Variants in DNAH3 observed in about 807,000 individuals in gnomAD.
The protein encoded by DNAH3 is dynein axonemal heavy chain 3, also known as axonemal beta dynein heavy chain 3.
In DNAH3, 332 loss-of-function variants were observed where a neutral mutation model predicts 432.5. That is an observed-to-expected ratio of 0.77 (90% CI 0.70 to 0.84). DNAH3 has a LOEUF of 0.84. DNAH3 is among the 40% of genes least tolerant of loss of function. The pLI is 0.00. For synonymous variants in DNAH3, 1,956 were observed against 1,900.2 expected (o/e 1.03, Z -0.76); for missense variants, 4,861 against 5,114.0 (o/e 0.95, Z 1.51).
intron 55 of DNAH3, 88 bp downstream of exon 55, chr16:20,954,725 C>T (rs1057022906): frequency 1.2e-5 from 18 of 1,469,264 alleles, no homozygotes; most frequent in East Asian, 9.1e-5. Context: ...CCTATCTGAG[C>T]GCAAGCTTAA....
chr16:20,948,652 C>G lies in DNAH3; in HGVS notation c.11189-15G>C. ...ATTACATTCCCCTGGGGACAACCAA[C>G]AGAAGGAGAGGTTGAGCCCAGGGAA... On this transcript the variant is annotated splice_polypyrimidine_tract_variant and intron_variant, in intron 56 of 61. Coordinates refer to ENST00000261383, the Ensembl canonical transcript of DNAH3. 1 of 1,613,912 alleles carries G rather than the reference C, an allele frequency of 6.2e-7. No homozygotes were observed. Among genetic ancestry groups the G allele is most frequent in the Non-Finnish European group, 8.5e-7 (1 of 1,179,922 alleles).
chr16:21,121,541 G>GGTTGACATCAT (rs1160807801), intron 10 of DNAH3, among the ~76,000 whole-genome samples: 1 of 151,978 alleles, frequency 6.6e-6, no homozygotes, highest in Non-Finnish European at 1.5e-5. Flanking sequence ...GATTCATTGA[G>GGTTGACATCAT]GTTGACATCA....
At chr16:21,019,948 C>G (rs1256184354) in intron 40 of DNAH3, 79 bp from the exon 41 acceptor site, 5 of 1,550,452 alleles carry the variant, frequency 3.2e-6, no homozygotes, top group Non-Finnish European at 4.4e-6. Context: ...TTGGCTTTGC[C>G]TTTGAAGGGT....
At chr16:21,034,056 G>A (rs761262167) in exon 36 of DNAH3, 3 of 1,613,342 alleles carry the variant, frequency 1.9e-6, no homozygotes, top group Non-Finnish European at 1.7e-6. Flanking sequence ...CAATCATATA[G>A]CCATGTCTCA....
At chr16:20,949,224 A>G (rs2084198293) in intron 56 of DNAH3, among the ~76,000 whole-genome samples, 1 of 143,578 alleles carries the variant, frequency 7.0e-6, no homozygotes, top group South Asian at 2.3e-4. Context: ...CTACAAGAGT[A>G]CTGTAAACCT....
exon 48 of DNAH3, chr16:20,985,301 C>A (rs1027368145): frequency 6.2e-7 from 1 of 1,614,036 alleles, no homozygotes; most frequent in Non-Finnish European, 8.5e-7. Flanking sequence ...GTGGCCACAC[C>A]GACCTGCAGT....
intron 51 of DNAH3, among the ~76,000 whole-genome samples, chr16:20,971,579 G>A (rs1489046309): frequency 6.6e-6 from 1 of 152,184 alleles, no homozygotes; most frequent in Admixed American, 6.5e-5. Flanking sequence ...AGAGGGATGG[G>A]ATGGCAGAGA....
intron 51 of DNAH3, among the ~76,000 whole-genome samples, chr16:20,971,621 T>C (rs988445910): frequency 6.6e-6 from 1 of 152,170 alleles, no homozygotes; most frequent in Non-Finnish European, 1.5e-5. Flanking sequence ...CGAAACCTGA[T>C]GTGGCAGTTA....
At chr16:20,964,671 A>G in exon 53 of DNAH3, 1 of 1,614,182 alleles carries the variant, frequency 6.2e-7, no homozygotes, top group Non-Finnish European at 8.5e-7. Context: ...AATTGGATAC[A>G]ATGATGCCAT....
At chr16:21,112,272 T>C (rs2092094210) in intron 12 of DNAH3, among the ~76,000 whole-genome samples, 174 bp from the exon 13 acceptor site, 1 of 152,214 alleles carries the variant, frequency 6.6e-6, no homozygotes, top group Non-Finnish European at 1.5e-5. Flanking sequence ...ATTTTGGCTC[T>C]GATTTTCAGT....
intron 40 of DNAH3, among the ~76,000 whole-genome samples, chr16:21,020,364 A>G (rs2088116440): frequency 9.5e-6 from 1 of 105,434 alleles, no homozygotes; most frequent in Admixed American, 1.1e-4. Flanking sequence ...ATATATATAT[A>G]TATAAAATCA....
At chr16:20,997,147 A>T in intron 44 of DNAH3, 136 bp downstream of exon 44, 2 of 742,862 alleles carry the variant, frequency 2.7e-6, no homozygotes, top group Non-Finnish European at 4.4e-6. Context: ...CCTGTAGCCT[A>T]CACATGCTTC....
At chr16:21,144,351 G>A (rs865824537) in intron 3 of DNAH3, among the ~76,000 whole-genome samples, 2 of 151,948 alleles carry the variant, frequency 1.3e-5, no homozygotes, top group East Asian at 1.9e-4. Flanking sequence ...CCCCTCCCTC[G>A]CTCTAAGGGA....
chr16:20,998,969 C>T (rs2086892354), intron 43 of DNAH3, among the ~76,000 whole-genome samples: 2 of 152,068 alleles, frequency 1.3e-5, no homozygotes, highest in Non-Finnish European at 2.9e-5. Flanking sequence ...AAAAAGTAAG[C>T]TTTGAAGTTG....
chr16:20,944,802 C>CAT (rs61258229), intron 57 of DNAH3, 139 bp from the exon 58 acceptor site: 2 of 812,846 alleles, frequency 2.5e-6, no homozygotes, highest in Non-Finnish European at 3.9e-6. Flanking sequence ...CACACACACA[C>CAT]GCTGGGAGAA....
chr16:20,987,393 T>C (rs775141782), exon 47 of DNAH3: 3 of 1,614,206 alleles, frequency 1.9e-6, no homozygotes, highest in Non-Finnish European at 2.5e-6. Flanking sequence ...AATCAGACGA[T>C]CATAGAAGAC....
chr16:20,962,635 G>A (rs896557194), intron 53 of DNAH3, among the ~76,000 whole-genome samples: 5 of 152,124 alleles, frequency 3.3e-5, no homozygotes, highest in East Asian at 1.9e-4. Flanking sequence ...GGAATCATCC[G>A]AGCTGAATCT....
At position 20,963,517 on chromosome 16, in the gene DNAH3, TG is replaced by T; in HGVS notation, c.10366del (p.His3456MetfsTer19). ...CCAAGACCCAGGGAGTTGCTCCTCATGGGGCCAGGCCGAGTCATAGATCAGC... is the reference window on the plus strand; with the variant it reads ...CCAAGACCCAGGGAGTTGCTCCTCATGGGCCAGGCCGAGTCATAGATCAGC... On this transcript the variant is annotated frameshift_variant, in exon 53 of 62. Transcript: ENST00000261383. LOFTEE classifies it high-confidence loss of function. 6.2e-7 allele frequency: 1 copy of T among 1,614,022 alleles called. No individual in the cohort carries two copies. Among genetic ancestry groups the T allele is most frequent in the Non-Finnish European group, 8.5e-7 (1 of 1,179,920 alleles).
chr16:21,146,353 C>A (rs537434989), intron 1 of DNAH3, among the ~76,000 whole-genome samples: 1 of 152,062 alleles, frequency 6.6e-6, no homozygotes, highest in Admixed American at 6.6e-5. Context: ...GTCAGGAGTT[C>A]GAGACCAGCC....
Sources: gnomAD v4.1 joint callset for allele counts (sites outside exome capture counted in the v4.1 genomes callset) on GRCh38, gnomAD v4.1.1 for gene constraint, MANE v1.5 for transcripts, NCBI Gene and HGNC (gene_info 2026-07-23, HGNC 2026-07-21) for gene names.